Variants in CNTN4 observed in about 807,000 individuals in gnomAD.
The protein encoded by CNTN4 is contactin-4.
A neutral mutation model predicts 122.5 loss-of-function variants in CNTN4; 77 were observed. The ratio of observed to expected loss-of-function variants is 0.63; its 90% confidence interval spans 0.52 to 0.76. The LOEUF (loss-of-function observed/expected upper bound fraction) is 0.76, where lower values mean the gene tolerates loss of function less well. CNTN4 is among the 30% of genes least tolerant of loss of function. The pLI, the probability that CNTN4 is intolerant of heterozygous loss-of-function variation, is 0.00. For synonymous variants in CNTN4, 512 were observed against 447.0 expected, an observed-to-expected ratio of 1.15 and a Z score of -1.83; for missense variants, 1,256 against 1,259.1, an observed-to-expected ratio of 1.00 and a Z score of 0.04.
intron 6 of CNTN4, among the ~76,000 whole-genome samples, chr3:2,776,379 T>G (rs1325524972): frequency 1.3e-5 from 2 of 151,756 alleles, no homozygotes; most frequent in Admixed American, 6.6e-5. Flanking sequence ...GATGTAATAG[T>G]CAAAGGGTCT....
intron 4 of CNTN4, among the ~76,000 whole-genome samples, chr3:2,636,695 A>G (rs2082671153): frequency 6.6e-6 from 1 of 152,128 alleles, no homozygotes; most frequent in Non-Finnish European, 1.5e-5. Context: ...TACAAACACC[A>G]ATTACCAATA....
rs1234047606 is a variant in CNTN4, at chr3:3,042,420, G to A, written c.2509G>A (p.Glu837Lys). ...GAATAGAGGACGAATACAAGGTTAT[G>A]AGGTAGGCAAGACATATGTGCCTTG... ...EKNRGRIQGY[E>K]VKYWRHEDKE... The change falls in exon 21 of 25, where the codon GAG (glutamate) becomes AAG (lysine). Residue 837 changes from glutamate to lysine, a missense_variant and splice_region_variant. Transcript: ENST00000418658. The A allele has an allele frequency of 3.8e-6, 6 of 1,597,314 alleles. No individual in the cohort carries two copies. Among genetic ancestry groups the A allele is most frequent in the Non-Finnish European group, 5.2e-6 (6 of 1,164,744 alleles).
chr3:2,267,767 A>T (rs573676478), intron 2 of CNTN4, among the ~76,000 whole-genome samples: 6 of 152,228 alleles, frequency 3.9e-5, no homozygotes, highest in South Asian at 4.1e-4. Flanking sequence ...TCTTATGTAC[A>T]TTGAAAAAAT....
At chr3:2,676,439 G>A (rs927193817) in intron 4 of CNTN4, among the ~76,000 whole-genome samples, 5 of 152,132 alleles carry the variant, frequency 3.3e-5, no homozygotes, top group Non-Finnish European at 5.9e-5. Flanking sequence ...CCAGACTGGC[G>A]TCAAACTCCT....
At chr3:2,555,612 A>C (rs2078686945) in intron 3 of CNTN4, among the ~76,000 whole-genome samples, 1 of 152,196 alleles carries the variant, frequency 6.6e-6, no homozygotes, top group South Asian at 2.1e-4. Flanking sequence ...CTAAGCTACA[A>C]ATTTGAAGCT....
intron 2 of CNTN4, among the ~76,000 whole-genome samples, chr3:2,200,742 T>G (rs905822129): frequency 1.3e-5 from 2 of 152,188 alleles, no homozygotes; most frequent in Admixed American, 6.5e-5. Context: ...TAAAGATAAT[T>G]CATTCTTGTA....
At chr3:2,652,335 A>T (rs2083399882) in intron 4 of CNTN4, among the ~76,000 whole-genome samples, 1 of 152,200 alleles carries the variant, frequency 6.6e-6, no homozygotes, top group African/African-American at 2.4e-5. Flanking sequence ...GTGCCTAAAT[A>T]AGTACTAGTA....
At chr3:2,652,104 C>A (rs1315520686) in intron 4 of CNTN4, among the ~76,000 whole-genome samples, 1 of 151,588 alleles carries the variant, frequency 6.6e-6, no homozygotes, top group Non-Finnish European at 1.5e-5. Flanking sequence ...TGAGCTCCTA[C>A]CAACATTTTT....
At chr3:2,130,547 C>T (rs1237372773) in intron 2 of CNTN4, among the ~76,000 whole-genome samples, 2 of 152,156 alleles carry the variant, frequency 1.3e-5, no homozygotes, top group African/African-American at 4.8e-5. Flanking sequence ...AGGATATTTG[C>T]AGCTTATCAA....
chr3:2,945,792 C>T (rs181474259), intron 13 of CNTN4, among the ~76,000 whole-genome samples: 17 of 152,288 alleles, frequency 1.1e-4, no homozygotes, highest in African/African-American at 3.8e-4. Context: ...TAAGTTAGTA[C>T]ATGGCCATTG....
chr3:2,271,669 A>G (rs1444431672), intron 2 of CNTN4, among the ~76,000 whole-genome samples: 2 of 152,182 alleles, frequency 1.3e-5, no homozygotes, highest in African/African-American at 4.8e-5. Context: ...CCTTGGTTAT[A>G]TCAGTGCTTC....
Position 3,043,606 on chromosome 3 carries a change from C to T in CNTN4, c.2713C>T (p.Pro905Ser). The T allele has an allele frequency of 1.2e-6, 2 of 1,613,488 alleles. No individual in the cohort carries two copies. The highest frequency in any genetic ancestry group is 8.5e-7 in the Non-Finnish European group (1 of 1,179,482). Residue 905 changes from proline (P) to serine (S), a missense_variant, in exon 23 of 25, where the codon CCC becomes TCC. By Grantham distance (74) the Pro-to-Ser change is moderately conservative. Coordinates refer to ENST00000418658, the MANE Select transcript of CNTN4 (RefSeq NM_175607.3). ...TTRKPPPSQPPGNIIWNSSDS... is the reference protein window; with the variant it reads ...TTRKPPPSQPSGNIIWNSSDS... ...TTTTTTTATAGCACCAAGTCAACCCCCCGGAAACATCATATGGAATTCATC... is the reference window on the plus strand; with the variant it reads ...TTTTTTTATAGCACCAAGTCAACCCTCCGGAAACATCATATGGAATTCATC...
intron 12 of CNTN4, among the ~76,000 whole-genome samples, chr3:2,907,570 C>CAAA (rs34860687): frequency 0.015 from 2,052 of 133,628 alleles, 44 homozygotes; most frequent in African/African-American, 0.044. Flanking sequence ...GAGACTGTCT[C>CAAA]AAAAAAAAAA....
At chr3:2,952,893 G>A (rs2094760779) in intron 13 of CNTN4, among the ~76,000 whole-genome samples, 1 of 152,198 alleles carries the variant, frequency 6.6e-6, no homozygotes, top group Non-Finnish European at 1.5e-5. Flanking sequence ...GATTTGTTGA[G>A]TGAGTGCCTA....
intron 2 of CNTN4, among the ~76,000 whole-genome samples, chr3:2,239,376 A>G (rs898569770): frequency 1.3e-5 from 2 of 152,172 alleles, no homozygotes; most frequent in African/African-American, 4.8e-5. Flanking sequence ...TGTCTAAGCT[A>G]CACACAGATA....
chr3:2,797,472 C>T (rs2092223311), intron 6 of CNTN4, among the ~76,000 whole-genome samples: 1 of 152,132 alleles, frequency 6.6e-6, no homozygotes. Flanking sequence ...GTGGTGGGCG[C>T]CTGTAATCCC....
At chr3:2,875,754 G>C (rs1038963405) in intron 8 of CNTN4, among the ~76,000 whole-genome samples, 5 of 152,138 alleles carry the variant, frequency 3.3e-5, no homozygotes, top group African/African-American at 9.7e-5. Flanking sequence ...ACTTGAACTG[G>C]GACCAACACG....
At chr3:2,886,975 T>G (rs2093986347) in intron 9 of CNTN4, 65 bp from the exon 10 acceptor site, 1 of 1,406,176 alleles carries the variant, frequency 7.1e-7, no homozygotes, top group Non-Finnish European at 9.9e-7. Context: ...AAGGAAGCGT[T>G]TAGGTTCAGA....
chr3:2,721,252 G>A (rs560916279), intron 4 of CNTN4, among the ~76,000 whole-genome samples: 1 of 152,128 alleles, frequency 6.6e-6, no homozygotes, highest in African/African-American at 2.4e-5. Context: ...GATTACAGAC[G>A]TGAGCCACCA....
Sources: gnomAD v4.1 joint callset for allele counts (sites outside exome capture counted in the v4.1 genomes callset) on GRCh38, gnomAD v4.1.1 for gene constraint, MANE v1.5 for transcripts, NCBI Gene and HGNC (gene_info 2026-07-23, HGNC 2026-07-21) for gene names.